Variants in TET3 observed in about 807,000 individuals in gnomAD.
TET3 encodes the protein tet methylcytosine dioxygenase 3, also known as methylcytosine dioxygenase TET3.
In TET3, 19 loss-of-function variants were observed where a neutral mutation model predicts 141.4. The ratio of observed to expected loss-of-function variants is 0.13; its 90% CI spans 0.09 to 0.20. TET3 has a LOEUF of 0.20. Among genes scored for constraint, TET3 ranks in the 10% least tolerant of loss-of-function variants. The pLI is 1.00. For synonymous variants in TET3, 1,043 were observed against 980.9 expected, an observed-to-expected ratio of 1.06 and a Z score of -1.18; for missense variants, 1,874 against 2,356.9, an observed-to-expected ratio of 0.80 and a Z score of 4.24.
chr2:73,988,638 A>G (rs1236430217), intron 2 of TET3, among the ~76,000 whole-genome samples: 4 of 152,174 alleles, frequency 2.6e-5, no homozygotes, highest in Admixed American at 6.5e-5. Context: ...TGACCTTGCC[A>G]TGGCCAACTG....
chr2:74,039,504 T>G (rs747500311), intron 3 of TET3, among the ~76,000 whole-genome samples: 6 of 152,192 alleles, frequency 3.9e-5, no homozygotes, highest in Non-Finnish European at 8.8e-5. Context: ...TTTGGGGTCC[T>G]GAAATACATA....
Position 74,092,898 on chromosome 2 carries a change from G to T in TET3, c.3040-4G>T. The T allele has an allele frequency of 6.3e-7, 1 of 1,582,938 alleles. No homozygotes were observed. The highest frequency in any genetic ancestry group is 1.2e-5 in the South Asian group (1 of 86,308). On this transcript the variant is annotated splice_region_variant and splice_polypyrimidine_tract_variant and intron_variant, in intron 8 of 11. Transcript: ENST00000409262. ...TGGATGTGTGACTGCCCCTCTCTCTGCAGGAAGAAGTGCTCCGGAAGAGTT... is the reference window on the plus strand; with the variant it reads ...TGGATGTGTGACTGCCCCTCTCTCTTCAGGAAGAAGTGCTCCGGAAGAGTT...
chr2:73,999,919 T>G (rs899265983), intron 2 of TET3, among the ~76,000 whole-genome samples: 1 of 151,952 alleles, frequency 6.6e-6, no homozygotes, highest in Non-Finnish European at 1.5e-5. Flanking sequence ...TGGGAGCAGA[T>G]GGACTGCCTG....
At chr2:74,072,454 G>T (rs568900299) in intron 4 of TET3, among the ~76,000 whole-genome samples, 151 of 151,576 alleles carry the variant, frequency 1.0e-3, no homozygotes, top group African/African-American at 3.1e-3. Flanking sequence ...GGAGGTTGCA[G>T]TGAGCCAAGA....
the TET3 span, chr2:74,121,175 A>T: frequency 6.6e-6 from 1 of 152,248 alleles, no homozygotes; most frequent in Non-Finnish European, 1.5e-5. Flanking sequence ...AAGCTGCGAA[A>T]ACATCACCAA....
chr2:74,012,388 G>T (rs4270374), intron 3 of TET3, among the ~76,000 whole-genome samples: 1 of 152,106 alleles, frequency 6.6e-6, no homozygotes, highest in Non-Finnish European at 1.5e-5. Flanking sequence ...ACTTTCCTCT[G>T]TGTAATAACT....
intron 2 of TET3, chr2:73,993,455 TGAG>T (rs1433724110): frequency 6.6e-6 from 1 of 152,242 alleles, no homozygotes; most frequent in African/African-American, 2.4e-5. Flanking sequence ...CATGAAAGTT[TGAG>T]GAGCTGTCTA....
chr2:74,020,092 A>G (rs957981978), intron 3 of TET3, among the ~76,000 whole-genome samples: 7 of 152,058 alleles, frequency 4.6e-5, no homozygotes, highest in African/African-American at 1.7e-4. Flanking sequence ...TTTTTCTTCT[A>G]CTATTCTCCT....
chr2:74,125,733 C>G, the TET3 span, among the ~76,000 whole-genome samples: 1 of 151,562 alleles, frequency 6.6e-6, no homozygotes, highest in African/African-American at 2.4e-5. Flanking sequence ...TGAGGTCTCA[C>G]TGTGTTGCCC....
chr2:74,046,690 C>T lies in TET3; in HGVS notation c.773C>T (p.Thr258Met), dbSNP rs770860810. 1.3e-5 allele frequency: 21 copies of T among 1,613,920 alleles called. 1 individual carries two copies. Among genetic ancestry groups the T allele is most frequent in the South Asian group, 5.5e-5 (5 of 91,096 alleles). The change falls in exon 4 of 12, where the codon ACG (threonine) becomes ATG (methionine). Residue 258 changes from threonine (T) to methionine (M), a missense_variant. Physicochemically the swap from Thr to Met is moderately conservative, Grantham distance 81 (BLOSUM62 -1). Transcript: ENST00000409262. The surrounding 1 kb of genome is among the most constrained non-coding windows in gnomAD (Gnocchi z 4.3). The stretch of plus-strand genomic sequence containing the variant: ...AGCGAAGACCTTGACACACTGCAGA[C>T]GGCCCTGGCCCTCGCGCGGCATGGT... ...AGSEDLDTLQ[T>M]ALALARHGMK...
intron 5 of TET3, among the ~76,000 whole-genome samples, chr2:74,074,509 C>T (rs994782990): frequency 6.6e-6 from 1 of 152,170 alleles, no homozygotes; most frequent in Non-Finnish European, 1.5e-5. Context: ...GACTTGGAAA[C>T]CCATGTGCGT....
At chr2:74,036,515 C>T (rs1389415246) in intron 3 of TET3, among the ~76,000 whole-genome samples, 2 of 152,150 alleles carry the variant, frequency 1.3e-5, no homozygotes, top group Non-Finnish European at 2.9e-5. Context: ...CTTCTGTTGG[C>T]TTGTTTACTT....
At chr2:74,081,894 T>TA (rs1267813405) in intron 6 of TET3, among the ~76,000 whole-genome samples, 1 of 152,176 alleles carries the variant, frequency 6.6e-6, no homozygotes, top group African/African-American at 2.4e-5. Context: ...TGGAATCACT[T>TA]AGTGTATTCA....
chr2:74,075,044 G>C (rs1239978652), intron 5 of TET3, among the ~76,000 whole-genome samples: 1 of 152,040 alleles, frequency 6.6e-6, no homozygotes, highest in East Asian at 1.9e-4. Flanking sequence ...CTAATTTTTT[G>C]TATTTTTAGT....
At chr2:74,033,790 A>C (rs1303870900) in intron 3 of TET3, among the ~76,000 whole-genome samples, 1 of 152,236 alleles carries the variant, frequency 6.6e-6, no homozygotes, top group African/African-American at 2.4e-5. Flanking sequence ...ATTGAAAATG[A>C]CACCAGTAAG....
chr2:74,089,463 C>G (rs1182471000), intron 7 of TET3, among the ~76,000 whole-genome samples: 1 of 152,174 alleles, frequency 6.6e-6, no homozygotes, highest in African/African-American at 2.4e-5. Flanking sequence ...TCTCAGTATA[C>G]TTTGTTGAAA....
intron 6 of TET3, among the ~76,000 whole-genome samples, chr2:74,081,294 G>A (rs1689808550): frequency 6.6e-6 from 1 of 152,248 alleles, no homozygotes; most frequent in Admixed American, 6.5e-5. Flanking sequence ...CAGAAGAAGT[G>A]CTGAGGAGGA....
intron 3 of TET3, among the ~76,000 whole-genome samples, chr2:74,040,861 C>T (rs1020094055): frequency 2.6e-5 from 4 of 152,120 alleles, no homozygotes; most frequent in Non-Finnish European, 5.9e-5. Context: ...CGCAACTGCA[C>T]TCCATCATGG....
At chr2:74,038,360 GAACACACCTCC>G (rs1687175111) in intron 3 of TET3, among the ~76,000 whole-genome samples, 1 of 152,156 alleles carries the variant, frequency 6.6e-6, no homozygotes, top group Non-Finnish European at 1.5e-5. Context: ...TAGGTGATGG[GAACACACCTCC>G]AACTTGGGGA....
Sources: gnomAD v4.1 joint callset for allele counts (sites outside exome capture counted in the v4.1 genomes callset) on GRCh38, gnomAD v4.1.1 for gene constraint, Gnocchi (gnomAD v3.1) non-coding constraint, MANE v1.5 for transcripts, NCBI Gene and HGNC (gene_info 2026-07-23, HGNC 2026-07-21) for gene names.